Variants in TTC39B observed in about 807,000 individuals in gnomAD.
The protein encoded by TTC39B is tetratricopeptide repeat protein 39B.
TTC39B carries 92 observed loss-of-function variants against 96.6 expected under a neutral mutation model. The observed-to-expected ratio is 0.95, with a 90% CI of 0.80 to 1.13. The LOEUF (loss-of-function observed/expected upper bound fraction) is 1.13, where lower values mean the gene tolerates loss of function less well. TTC39B is among the 50% of genes most tolerant of loss of function. TTC39B has a pLI of 0.00. For missense variants in TTC39B, 955 were observed against 809.3 expected (o/e 1.18, Z -2.18); for synonymous variants, 367 against 299.4 (o/e 1.23, Z -2.33).
intron 1 of TTC39B, among the ~76,000 whole-genome samples, chr9:15,268,327 A>G (rs1344403699): frequency 6.6e-6 from 1 of 152,142 alleles, no homozygotes; most frequent in Non-Finnish European, 1.5e-5. Flanking sequence ...ATGGCTAGCC[A>G]AGTGAGCATC....
At chr9:15,177,957 T>C (rs549571035) in intron 17 of TTC39B, 143 bp from the exon 18 acceptor site, 84 of 469,702 alleles carry the variant, frequency 1.8e-4, no homozygotes, top group Middle Eastern at 6.3e-4. Flanking sequence ...GCAAGCTCCG[T>C]CTCCCGGGTT....
chr9:15,224,880 C>T (rs1000329328), intron 3 of TTC39B, among the ~76,000 whole-genome samples: 3 of 152,058 alleles, frequency 2.0e-5, no homozygotes, highest in South Asian at 2.1e-4. Context: ...CTATATATTG[C>T]GAGGGTAGAA....
intron 6 of TTC39B, among the ~76,000 whole-genome samples, chr9:15,206,242 G>A (rs938962859): frequency 6.6e-5 from 10 of 151,828 alleles, no homozygotes; most frequent in East Asian, 3.9e-4. Flanking sequence ...GGGGCAATCC[G>A]CCAGCCACAA....
chr9:15,184,407 T>C (rs975379742), intron 16 of TTC39B, among the ~76,000 whole-genome samples: 1 of 131,538 alleles, frequency 7.6e-6, no homozygotes, highest in Non-Finnish European at 1.6e-5. Context: ...AATGATGAAA[T>C]AAACTCTGAA....
At chr9:15,184,157 C>T (rs1277453020) in intron 16 of TTC39B, among the ~76,000 whole-genome samples, 1 of 152,062 alleles carries the variant, frequency 6.6e-6, no homozygotes, top group African/African-American at 2.4e-5. Flanking sequence ...ACCACATCCA[C>T]AAGGAAATGC....
At chr9:15,265,187 T>G in intron 2 of TTC39B, among the ~76,000 whole-genome samples, 1 of 144,056 alleles carries the variant, frequency 6.9e-6, no homozygotes, top group Non-Finnish European at 1.5e-5. Context: ...GGTTTGATTT[T>G]TTTAAAAACT....
intron 2 of TTC39B, among the ~76,000 whole-genome samples, chr9:15,243,784 C>T (rs747816971): frequency 6.6e-6 from 1 of 152,182 alleles, no homozygotes. Context: ...GTGGCATACA[C>T]CTGCAGTCTT....
chr9:15,251,102 A>G (rs1358083778), intron 2 of TTC39B, among the ~76,000 whole-genome samples: 1 of 152,154 alleles, frequency 6.6e-6, no homozygotes, highest in African/African-American at 2.4e-5. Context: ...AGGCTGAGGC[A>G]GAAGAATCGC....
chr9:15,226,218 C>A (rs1275572340), intron 2 of TTC39B, among the ~76,000 whole-genome samples: 1 of 152,128 alleles, frequency 6.6e-6, no homozygotes, highest in Non-Finnish European at 1.5e-5. Context: ...TTTATTTTTT[C>A]ATTCTAGTAC....
At chr9:15,238,634 T>C (rs990435437) in intron 2 of TTC39B, among the ~76,000 whole-genome samples, 16 of 152,070 alleles carry the variant, frequency 1.1e-4, no homozygotes, top group African/African-American at 3.4e-4. Context: ...TCACAGATCA[T>C]ACAAACAAAT....
At chr9:15,182,797 T>C (rs936883019) in intron 16 of TTC39B, among the ~76,000 whole-genome samples, 6 of 152,206 alleles carry the variant, frequency 3.9e-5, no homozygotes, top group Non-Finnish European at 7.4e-5. Context: ...GTTGTTTACA[T>C]AAAATGTTTC....
intron 1 of TTC39B, among the ~76,000 whole-genome samples, chr9:15,272,068 C>T (rs1332581397): frequency 6.6e-6 from 1 of 152,128 alleles, no homozygotes; most frequent in African/African-American, 2.4e-5. Context: ...ACAGAAAGAC[C>T]AGTGCTTCCT....
At chr9:15,243,532 A>C (rs575842902) in intron 2 of TTC39B, among the ~76,000 whole-genome samples, 1 of 152,190 alleles carries the variant, frequency 6.6e-6, no homozygotes, top group East Asian at 1.9e-4. Flanking sequence ...TACAGAAAAA[A>C]AGCACTTTCG....
At chr9:15,229,210 A>G (rs1156455405) in intron 2 of TTC39B, among the ~76,000 whole-genome samples, 1 of 152,240 alleles carries the variant, frequency 6.6e-6, no homozygotes, top group African/African-American at 2.4e-5. Context: ...TTTTGTGTAC[A>G]GTCTGAGCTA....
At chr9:15,243,531 A>G (rs1822139380) in intron 2 of TTC39B, among the ~76,000 whole-genome samples, 1 of 152,212 alleles carries the variant, frequency 6.6e-6, no homozygotes, top group African/African-American at 2.4e-5. Flanking sequence ...CTACAGAAAA[A>G]AAGCACTTTC....
rs905325209 is a variant in TTC39B at position 15,182,302 on chromosome 9, C to T, written c.1723+5G>A. 1 of 1,597,440 alleles carries T rather than the reference C, an allele frequency of 6.3e-7. No individual in the cohort carries two copies. Among genetic ancestry groups the T allele is most frequent in the Non-Finnish European group, 8.6e-7 (1 of 1,169,126 alleles). On this transcript the variant is annotated splice_donor_5th_base_variant and intron_variant, in intron 17 of 19. Coordinates refer to ENST00000512701, the Ensembl canonical transcript of TTC39B. ...GGCTCCTCGGTGCTTACTGTGTATACTTACTTTGACTTTGTAAAGCTGCCT... is the reference window on the plus strand; with the variant it reads ...GGCTCCTCGGTGCTTACTGTGTATATTTACTTTGACTTTGTAAAGCTGCCT...
chr9:15,294,962 T>C lies in TTC39B; in HGVS notation c.240+12122A>G, dbSNP rs973809738. ...GAGTTAACTTATCCCAGGTTATACA[T>C]GGAGGAGCAGGGATTCAAGCCCACG... is the stretch of plus-strand genomic sequence containing the variant. On this transcript the variant is annotated intron_variant, in intron 1 of 19. Coordinates refer to ENST00000512701, the Ensembl canonical transcript of TTC39B. Among the ~76,000 whole-genome samples the C allele has an allele frequency of 1.3e-5, 2 of 152,212 alleles. 1 individual carries two copies. Among genetic ancestry groups the C allele is most frequent in the African/African-American group, 4.8e-5 (2 of 41,446 alleles).
chr9:15,166,389 C>T (rs929344410), exon 20 of TTC39B: 8 of 152,086 alleles, frequency 5.3e-5, no homozygotes, highest in Non-Finnish European at 7.3e-5. Context: ...AAGCTAGATC[C>T]ACCTATCTCC....
At chr9:15,166,982 T>TTTTTTTTTTATATATA (rs1387664027) in exon 20 of TTC39B, 7 of 20,280 alleles carry the variant, frequency 3.5e-4, no homozygotes, top group Non-Finnish European at 6.2e-4. Flanking sequence ...AACCTTTATT[T>TTTTTTTTTTATATATA]TATATATATA....
Sources: gnomAD v4.1 joint callset for allele counts (sites outside exome capture counted in the v4.1 genomes callset) on GRCh38, gnomAD v4.1.1 for gene constraint, MANE v1.5 for transcripts, NCBI Gene and HGNC (gene_info 2026-07-23, HGNC 2026-07-21) for gene names.